TAFA1: variants seen among roughly 807,000 people sequenced by gnomAD.
TAFA1 encodes the protein TAFA chemokine like family member 1, also known as chemokine-like protein TAFA-1.
Under a neutral mutation model 18.5 loss-of-function variants are expected in TAFA1, and 4 were observed. The observed-to-expected ratio is 0.22, with a 90% CI of 0.11 to 0.49. The LOEUF (loss-of-function observed/expected upper bound fraction) is 0.49, where lower values mean the gene tolerates loss of function less well. Among genes scored for constraint, TAFA1 ranks in the 20% least tolerant of loss-of-function variants. The pLI is 0.98. For synonymous variants in TAFA1, 56 were observed against 55.2 expected, an observed-to-expected ratio of 1.01 and a Z score of -0.06; for missense variants, 147 against 169.0, an observed-to-expected ratio of 0.87 and a Z score of 0.72.
chr3:68,472,998 TAGG>T (rs900684223), intron 3 of TAFA1, among the ~76,000 whole-genome samples: 10 of 152,202 alleles, frequency 6.6e-5, no homozygotes, highest in South Asian at 6.2e-4. Flanking sequence ...AGGAAATTTT[TAGG>T]AGATTACTTT....
chr3:68,444,769 AAAATATATATATAT>A (rs1377783374), intron 3 of TAFA1, among the ~76,000 whole-genome samples: 10 of 63,652 alleles, frequency 1.6e-4, no homozygotes, highest in South Asian at 1.3e-3. Flanking sequence ...TTGTTTCTAC[AAAATATATATATAT>A]ATATATATAT....
chr3:68,228,991 G>A (rs2066837544), intron 2 of TAFA1, among the ~76,000 whole-genome samples: 1 of 152,150 alleles, frequency 6.6e-6, no homozygotes. Flanking sequence ...GCCCAAGATG[G>A]TTTTCCACTC....
At chr3:68,331,925 G>A (rs578254839) in intron 2 of TAFA1, among the ~76,000 whole-genome samples, 41 of 135,448 alleles carry the variant, frequency 3.0e-4, no homozygotes, top group Middle Eastern at 4.2e-3. Flanking sequence ...GTGCAGTGGC[G>A]CGATCTCAGC....
At chr3:68,205,051 G>A (rs2066510184) in intron 2 of TAFA1, among the ~76,000 whole-genome samples, 1 of 151,746 alleles carries the variant, frequency 6.6e-6, no homozygotes. Context: ...TAATGTGTTG[G>A]AATTCCATAA....
intron 2 of TAFA1, among the ~76,000 whole-genome samples, chr3:68,132,135 G>A (rs577618873): frequency 2.8e-4 from 42 of 152,114 alleles, no homozygotes; most frequent in Admixed American, 1.1e-3. Context: ...GTGGTGTTTG[G>A]TTTTCTGTTT....
At chr3:68,052,445 C>A (rs1278884956) in intron 2 of TAFA1, among the ~76,000 whole-genome samples, 3 of 152,132 alleles carry the variant, frequency 2.0e-5, no homozygotes, top group Non-Finnish European at 4.4e-5. Flanking sequence ...CCTCCTCTAA[C>A]CCACGTGGAA....
At chr3:68,073,178 T>C (rs1301496221) in intron 2 of TAFA1, among the ~76,000 whole-genome samples, 1 of 152,118 alleles carries the variant, frequency 6.6e-6, no homozygotes, top group Non-Finnish European at 1.5e-5. Context: ...GGCTTTGCTG[T>C]TTTTTTGGGT....
chr3:68,515,256 C>T (rs552456046), intron 3 of TAFA1, among the ~76,000 whole-genome samples: 35 of 152,234 alleles, frequency 2.3e-4, no homozygotes, highest in African/African-American at 8.4e-4. Flanking sequence ...TATGACTTAC[C>T]TTAAGAAATC....
chr3:68,276,664 A>G (rs2067803829), intron 2 of TAFA1, among the ~76,000 whole-genome samples: 1 of 152,214 alleles, frequency 6.6e-6, no homozygotes, highest in East Asian at 1.9e-4. Flanking sequence ...AAAAGAAACC[A>G]GTTTCTTCTA....
At chr3:68,053,462 A>C (rs2064496993) in intron 2 of TAFA1, among the ~76,000 whole-genome samples, 1 of 152,076 alleles carries the variant, frequency 6.6e-6, no homozygotes, top group African/African-American at 2.4e-5. Context: ...TGGAAACAAA[A>C]TCAGGTCTAC....
At chr3:68,524,205 A>G (rs909554926) in intron 3 of TAFA1, among the ~76,000 whole-genome samples, 1 of 152,156 alleles carries the variant, frequency 6.6e-6, no homozygotes, top group African/African-American at 2.4e-5. Flanking sequence ...GGAGGACCTC[A>G]GCTGGGGTAG....
At chr3:68,018,033 G>A (rs1424974034) in intron 2 of TAFA1, among the ~76,000 whole-genome samples, 1 of 152,224 alleles carries the variant, frequency 6.6e-6, no homozygotes, top group East Asian at 1.9e-4. Context: ...CTTAGAGACA[G>A]GTAAGTGTAA....
At chr3:68,145,364 G>C in intron 2 of TAFA1, 1 of 816,170 alleles carries the variant, frequency 1.2e-6, no homozygotes. Context: ...CTTTGCCCTG[G>C]TCTCTCAAGC....
At chr3:68,045,279 C>T (rs1705244323) in intron 2 of TAFA1, among the ~76,000 whole-genome samples, 1 of 152,102 alleles carries the variant, frequency 6.6e-6, no homozygotes, top group East Asian at 1.9e-4. Context: ...GCACAATGTA[C>T]CTATCCCTAT....
At chr3:68,326,756 C>T (rs1372900197) in intron 2 of TAFA1, among the ~76,000 whole-genome samples, 1 of 152,160 alleles carries the variant, frequency 6.6e-6, no homozygotes, top group Non-Finnish European at 1.5e-5. Context: ...TCAATATTAT[C>T]TCATTTCAGC....
At chr3:68,411,251 G>A (rs960464146) in intron 2 of TAFA1, among the ~76,000 whole-genome samples, 1 of 152,130 alleles carries the variant, frequency 6.6e-6, no homozygotes, top group Non-Finnish European at 1.5e-5. Flanking sequence ...TCTTGATGTA[G>A]CCAAAAAGTA....
At chr3:68,235,376 T>C (rs537351391) in intron 2 of TAFA1, among the ~76,000 whole-genome samples, 51 of 152,306 alleles carry the variant, frequency 3.3e-4, no homozygotes, top group Non-Finnish European at 4.9e-4. Context: ...CCTTAACACC[T>C]ACCAGTTATA....
At chr3:68,312,091 G>A (rs2068531015) in intron 2 of TAFA1, among the ~76,000 whole-genome samples, 1 of 152,148 alleles carries the variant, frequency 6.6e-6, no homozygotes. Context: ...GTTCTACGTT[G>A]ACCCCTTTCA....
intron 3 of TAFA1, among the ~76,000 whole-genome samples, chr3:68,473,516 T>C (rs1365859701): frequency 6.6e-6 from 1 of 152,074 alleles, no homozygotes; most frequent in Admixed American, 6.6e-5. Flanking sequence ...AAAAATCTAG[T>C]GGTCTTACTA....
Sources: gnomAD v4.1 joint callset for allele counts (sites outside exome capture counted in the v4.1 genomes callset) on GRCh38, gnomAD v4.1.1 for gene constraint, MANE v1.5 for transcripts, NCBI Gene and HGNC (gene_info 2026-07-23, HGNC 2026-07-21) for gene names.